FOXP2: variants seen among roughly 807,000 people sequenced by gnomAD.
FOXP2 encodes the protein forkhead box protein P2.
A neutral mutation model predicts 115.8 loss-of-function variants in FOXP2; 12 were observed. The observed-to-expected ratio is 0.10, with a 90% CI of 0.07 to 0.17. The LOEUF is 0.17. Ranked by LOEUF, FOXP2 falls within the 10% of genes least tolerant of loss-of-function variation. FOXP2 has a pLI of 1.00. For synonymous variants in FOXP2, 328 were observed against 297.7 expected (o/e 1.10, Z -1.05); for missense variants, 629 against 843.5 (o/e 0.75, Z 3.15).
At chr7:114,392,824 G>A (rs533198278) in intron 2 of FOXP2, among the ~76,000 whole-genome samples, 56 of 152,184 alleles carry the variant, frequency 3.7e-4, no homozygotes, top group Non-Finnish European at 6.6e-4. Flanking sequence ...TTGAACCAGT[G>A]TCAGATGAAT....
intron 8 of FOXP2, 101 bp from the exon 9 acceptor site, chr7:114,652,102 C>A: frequency 9.5e-7 from 1 of 1,049,400 alleles, no homozygotes; most frequent in Non-Finnish European, 1.5e-6. Context: ...TTTCCCAGTG[C>A]ACAGAAACAT....
At chr7:114,681,016 A>G (rs1458383024) in intron 16 of FOXP2, among the ~76,000 whole-genome samples, 1 of 152,182 alleles carries the variant, frequency 6.6e-6, no homozygotes, top group African/African-American at 2.4e-5. Context: ...TTCTTCTTAG[A>G]GGCAGGTAAG....
At position 114,692,139 on chromosome 7, in the gene FOXP2, A is replaced by G. The variant is rs1393817841; in HGVS notation, c.*2213A>G. The G allele has an allele frequency of 4.4e-6, 2 of 453,780 alleles. No individual in the cohort carries two copies. Among genetic ancestry groups the G allele is most frequent in the Non-Finnish European group, 8.8e-6 (2 of 226,732 alleles). The allele number at this position is 453,780 out of a possible 1,614,324, so 28.1% of individuals were successfully genotyped here. ...AGTCATCTAGGATCCTACTGTAAGG[A>G]TTATCTGAAAGGAAAAATGGGTCTT... On this transcript the variant is annotated 3_prime_UTR_variant, in exon 17 of 17. Transcript: ENST00000350908.
intron 2 of FOXP2, among the ~76,000 whole-genome samples, chr7:114,435,569 C>T (rs1794304553): frequency 1.3e-5 from 2 of 152,110 alleles, no homozygotes; most frequent in Non-Finnish European, 2.9e-5. Context: ...TGGAGTATTG[C>T]TCTTGTTGCC....
chr7:114,170,491 T>C (rs1039073313), intron 1 of FOXP2, among the ~76,000 whole-genome samples: 8 of 152,216 alleles, frequency 5.3e-5, no homozygotes, highest in South Asian at 2.1e-4. Context: ...AAAGCCAACA[T>C]AGGCCGAAAG....
At chr7:114,408,842 T>G (rs969321550) in intron 2 of FOXP2, among the ~76,000 whole-genome samples, 1 of 152,164 alleles carries the variant, frequency 6.6e-6, no homozygotes, top group Non-Finnish European at 1.5e-5. Flanking sequence ...CTTGTTAATT[T>G]CAAATTCAGA....
chr7:114,403,192 T>C (rs539321137), intron 2 of FOXP2, among the ~76,000 whole-genome samples: 2 of 152,326 alleles, frequency 1.3e-5, no homozygotes, highest in South Asian at 2.1e-4. Flanking sequence ...TACAACTTCA[T>C]TGAAATACAT....
rs1806313116 is a variant in FOXP2 at position 114,652,343 on chromosome 7, T to C, written c.1182+53T>C. 12 of 1,521,470 alleles carry C rather than the reference T, an allele frequency of 7.9e-6. No individual in the cohort carries two copies. The Admixed American group carries it at 1.2e-4, about 15-fold the overall frequency. The allele number at this position is 1,521,470 out of a possible 1,614,324, so 94.2% of individuals were successfully genotyped here. The stretch of plus-strand genomic sequence containing the variant: ...CTTCTTAGATTTCTGGTGTGTTACA[T>C]TGAGTACTGAGCAGATTCTGGGTCT... On this transcript the variant is annotated intron_variant, in intron 9 of 16. Coordinates refer to ENST00000350908, the MANE Select transcript of FOXP2 (RefSeq NM_014491.4).
At chr7:114,443,885 G>A (rs111423114) in intron 2 of FOXP2, among the ~76,000 whole-genome samples, 1 of 152,070 alleles carries the variant, frequency 6.6e-6, no homozygotes, top group Non-Finnish European at 1.5e-5. Context: ...ATGAATATAT[G>A]CATGCATGTT....
At chr7:114,566,955 G>A (rs1801054283) in intron 3 of FOXP2, among the ~76,000 whole-genome samples, 1 of 151,660 alleles carries the variant, frequency 6.6e-6, no homozygotes, top group Non-Finnish European at 1.5e-5. Flanking sequence ...TTTCTTACAA[G>A]TCATTTCACC....
chr7:114,514,676 A>T (rs1798241274), intron 2 of FOXP2, among the ~76,000 whole-genome samples: 1 of 151,238 alleles, frequency 6.6e-6, no homozygotes, highest in Non-Finnish European at 1.5e-5. Context: ...TCTTTTTTAC[A>T]TTCAATTTAT....
At chr7:114,267,547 T>C (rs1014761215) in intron 1 of FOXP2, among the ~76,000 whole-genome samples, 1 of 151,142 alleles carries the variant, frequency 6.6e-6, no homozygotes, top group African/African-American at 2.4e-5. Flanking sequence ...GCTAACACGG[T>C]GAAAACCTGC....
chr7:114,093,240 G>A (rs1432166514), intron 1 of FOXP2, among the ~76,000 whole-genome samples: 2 of 152,112 alleles, frequency 1.3e-5, no homozygotes, highest in Admixed American at 1.3e-4. Context: ...TCTCTGGAAT[G>A]ATCTATCCTC....
chr7:114,339,566 C>T (rs1584648400), intron 2 of FOXP2, among the ~76,000 whole-genome samples: 1 of 150,902 alleles, frequency 6.6e-6, no homozygotes, highest in African/African-American at 2.4e-5. Flanking sequence ...TGAAGCTTTA[C>T]TTTATTTCAG....
intron 2 of FOXP2, among the ~76,000 whole-genome samples, chr7:114,438,673 G>T (rs947160913): frequency 6.6e-6 from 1 of 151,894 alleles, no homozygotes; most frequent in African/African-American, 2.4e-5. Context: ...ATTTGCTGAA[G>T]AATAATTTGG....
intron 3 of FOXP2, among the ~76,000 whole-genome samples, chr7:114,566,680 C>G (rs530713789): frequency 6.6e-6 from 1 of 152,158 alleles, no homozygotes; most frequent in African/African-American, 2.4e-5. Flanking sequence ...TCATGTATTC[C>G]TTTACAGCAA....
chr7:114,249,457 A>G (rs993678028), intron 1 of FOXP2, among the ~76,000 whole-genome samples: 3 of 151,742 alleles, frequency 2.0e-5, no homozygotes, highest in African/African-American at 7.3e-5. Flanking sequence ...AAGTGAGAAC[A>G]TGTGGTGTTT....
Position 114,642,902 on chromosome 7 carries a change from G to T in FOXP2, c.989+279G>T, listed in dbSNP as rs375851173. 2.5e-4 allele frequency among the ~76,000 whole-genome samples: 36 copies of T among 146,240 alleles called. No homozygotes were observed. In the East Asian group the frequency reaches 6.0e-3, roughly 25 times the overall value. ...TGGCTCACTGCAAGCTCCGCCTCCCGGGTTCCTGCCATTCTCCTGCCCCAG... is the reference window on the plus strand; with the variant it reads ...TGGCTCACTGCAAGCTCCGCCTCCCTGGTTCCTGCCATTCTCCTGCCCCAG... On this transcript the variant is annotated intron_variant, in intron 7 of 16. Coordinates refer to ENST00000350908, the MANE Select transcript of FOXP2 (RefSeq NM_014491.4).
At chr7:114,413,296 A>G (rs1793211637), upstream of FOXP2, among the ~76,000 whole-genome samples, 1 of 152,162 alleles carries the variant, frequency 6.6e-6, no homozygotes, top group African/African-American at 2.4e-5. Context: ...AACAAAGCAG[A>G]CTTAAAAAAT....
Sources: gnomAD v4.1 joint callset for allele counts (sites outside exome capture counted in the v4.1 genomes callset) on GRCh38, gnomAD v4.1.1 for gene constraint, MANE v1.5 for transcripts, NCBI Gene and HGNC (gene_info 2026-07-23, HGNC 2026-07-21) for gene names.